Variants in STXBP6 observed in about 807,000 individuals in gnomAD.
The protein encoded by STXBP6 is syntaxin-binding protein 6.
In STXBP6, 21 loss-of-function variants were observed where a neutral mutation model predicts 26.9. The ratio of observed to expected loss-of-function variants is 0.78; its 90% CI spans 0.55 to 1.12. The LOEUF is 1.12. Among genes scored for constraint, STXBP6 ranks in the 50% most tolerant of loss-of-function variants. STXBP6 has a pLI of 0.00. For synonymous variants in STXBP6, 97 were observed against 92.6 expected, an observed-to-expected ratio of 1.05 and a Z score of -0.27; for missense variants, 232 against 257.9, an observed-to-expected ratio of 0.90 and a Z score of 0.69.
At position 24,855,744 on chromosome 14, in the gene STXBP6, G is replaced by A. The variant is rs898706237; in HGVS notation, c.451+192C>T. ...AAAAAAGACCAGCTTTTGGACAAGA[G>A]TGAAAACATACCTTTGTGTCTAAAT... On this transcript the variant is annotated intron_variant, in intron 4 of 5. Coordinates refer to ENST00000323944, the MANE Select transcript of STXBP6 (RefSeq NM_001394410.1). 5.9e-5 allele frequency among the ~76,000 whole-genome samples: 9 copies of A among 152,208 alleles called. 2 individuals are homozygous for A. The highest frequency in any genetic ancestry group is 3.9e-4 in the Admixed American group (6 of 15,270).
intron 2 of STXBP6, among the ~76,000 whole-genome samples, chr14:24,928,026 A>G (rs1304081944): frequency 6.6e-6 from 1 of 152,146 alleles, no homozygotes; most frequent in African/African-American, 2.4e-5. Context: ...GAGAAAATAG[A>G]AAGCTGAAAC....
chr14:24,982,651 TGTTCACAG>T (rs2074228215), intron 1 of STXBP6, among the ~76,000 whole-genome samples: 1 of 152,250 alleles, frequency 6.6e-6, no homozygotes, highest in Non-Finnish European at 1.5e-5. Context: ...AAAGACATTA[TGTTCACAG>T]GATTCTCTGA....
At chr14:24,989,313 GAT>G (rs2140276879) in intron 1 of STXBP6, among the ~76,000 whole-genome samples, 1 of 152,018 alleles carries the variant, frequency 6.6e-6, no homozygotes, top group South Asian at 2.1e-4. Context: ...TAATTAGCAT[GAT>G]TGGGAAAGTT....
At chr14:24,869,086 T>A (rs1366679745) in intron 2 of STXBP6, among the ~76,000 whole-genome samples, 1 of 152,254 alleles carries the variant, frequency 6.6e-6, no homozygotes, top group African/African-American at 2.4e-5. Context: ...GGTGCCCTAC[T>A]GAGAGTTTTA....
At chr14:24,881,578 G>GC (rs1394181789) in intron 2 of STXBP6, among the ~76,000 whole-genome samples, 2 of 152,172 alleles carry the variant, frequency 1.3e-5, no homozygotes, top group African/African-American at 4.8e-5. Context: ...TCCATTTATA[G>GC]CCAGTCATGA....
intron 2 of STXBP6, among the ~76,000 whole-genome samples, chr14:24,947,730 T>C (rs945346382): frequency 6.6e-6 from 1 of 152,098 alleles, no homozygotes; most frequent in Non-Finnish European, 1.5e-5. Context: ...ATAGCTAAAG[T>C]TTAATGACAA....
intron 4 of STXBP6, among the ~76,000 whole-genome samples, chr14:24,826,857 A>C (rs1010082154): frequency 6.6e-6 from 1 of 152,200 alleles, no homozygotes. Flanking sequence ...TAAGTTACTT[A>C]ATCTCTATGA....
At chr14:24,833,830 A>G (rs2068531499) in intron 4 of STXBP6, among the ~76,000 whole-genome samples, 1 of 152,252 alleles carries the variant, frequency 6.6e-6, no homozygotes, top group Non-Finnish European at 1.5e-5. Flanking sequence ...TATTTCCAAA[A>G]TTGTTATTAT....
At chr14:24,843,645 T>C (rs2068851292) in intron 4 of STXBP6, among the ~76,000 whole-genome samples, 1 of 152,178 alleles carries the variant, frequency 6.6e-6, no homozygotes, top group South Asian at 2.1e-4. Flanking sequence ...AAGTAATTCA[T>C]CCACAGACCA....
chr14:24,975,717 T>C (rs114874048), intron 1 of STXBP6, among the ~76,000 whole-genome samples: 1 of 152,134 alleles, frequency 6.6e-6, no homozygotes, highest in African/African-American at 2.4e-5. Flanking sequence ...ATAGCCCCCA[T>C]GTTATATTTA....
Position 24,957,250 on chromosome 14 carries a change from C to T in STXBP6, c.154+17415G>A, listed in dbSNP as rs1251827648. Among the ~76,000 whole-genome samples the T allele has an allele frequency of 3.3e-5, 5 of 152,306 alleles. No individual in the cohort carries two copies. The East Asian group carries it at 9.6e-4, about 29-fold the overall frequency. ...CCCTAGTCATGCTCTTACACCACTC[C>T]AAAACCTGGCATATTGAAGGACACT... On this transcript the variant is annotated intron_variant, in intron 2 of 5. Transcript: ENST00000323944.
At chr14:24,969,929 CTG>C (rs1172136434) in intron 2 of STXBP6, among the ~76,000 whole-genome samples, 1 of 152,148 alleles carries the variant, frequency 6.6e-6, no homozygotes, top group Non-Finnish European at 1.5e-5. Context: ...ACTAGCGACT[CTG>C]TAAAAGTGTT....
intron 2 of STXBP6, among the ~76,000 whole-genome samples, chr14:24,875,949 T>C (rs892743025): frequency 6.6e-6 from 1 of 152,042 alleles, no homozygotes; most frequent in South Asian, 2.1e-4. Flanking sequence ...TGGCAGGATA[T>C]GATAAATACG....
Position 25,049,950 on chromosome 14 carries a change from G to T in STXBP6, c.-105C>A. ...CCCAGAGCACGAGGCTCCTCCCCGGGGGGCTGCCCCGCGCGGGGCTCCGGG... is the reference window on the plus strand; with the variant it reads ...CCCAGAGCACGAGGCTCCTCCCCGGTGGGCTGCCCCGCGCGGGGCTCCGGG... On this transcript the variant is annotated 5_prime_UTR_variant, in exon 1 of 6. Transcript: ENST00000323944. This position sits in a 1 kb window ranked among gnomAD's most constrained non-coding sequence, Gnocchi z 5.6. 4 of 907,802 alleles carry T rather than the reference G, an allele frequency of 4.4e-6. No individual in the cohort carries two copies. Among genetic ancestry groups the T allele is most frequent in the Non-Finnish European group, 5.3e-6 (4 of 760,164 alleles). The allele number at this position is 907,802 out of a possible 1,614,324, so 56.2% of individuals were successfully genotyped here.
chr14:24,856,769 C>T (rs915579354), intron 3 of STXBP6, among the ~76,000 whole-genome samples: 2 of 151,544 alleles, frequency 1.3e-5, no homozygotes, highest in Admixed American at 6.6e-5. Flanking sequence ...CTCTGAACTT[C>T]GTACTTTGCT....
chr14:24,963,347 T>C (rs2073615290), intron 2 of STXBP6, among the ~76,000 whole-genome samples: 1 of 152,196 alleles, frequency 6.6e-6, no homozygotes, highest in Admixed American at 6.5e-5. Flanking sequence ...GAAGGCCAGG[T>C]ATATTCTTGC....
intron 2 of STXBP6, among the ~76,000 whole-genome samples, chr14:24,918,892 C>G (rs1326612712): frequency 1.3e-5 from 2 of 152,066 alleles, no homozygotes; most frequent in African/African-American, 4.8e-5. Context: ...TCCCTACTTA[C>G]TGTACTGTGA....
chr14:24,983,690 A>C (rs1274485934), intron 1 of STXBP6, among the ~76,000 whole-genome samples: 2 of 152,202 alleles, frequency 1.3e-5, no homozygotes, highest in Non-Finnish European at 2.9e-5. Flanking sequence ...CAGAAACATA[A>C]ACTCTCCAGC....
At position 24,819,357 on chromosome 14, in the gene STXBP6, G is replaced by C. The variant is rs756685077; in HGVS notation, c.452-163C>G. 14 of 787,066 alleles carry C rather than the reference G, an allele frequency of 1.8e-5. No individual in the cohort carries two copies. The African/African-American group carries it at 2.4e-4, about 13-fold the overall frequency. 48.8% of individuals were successfully genotyped at this position (787,066 alleles called of 1,614,324 possible). A position where few individuals can be genotyped will look rare whatever the true frequency, so the allele number is the denominator to read the frequency against. On this transcript the variant is annotated intron_variant, in intron 4 of 5. Transcript: ENST00000323944. ...GCCGACATTTCTTTTGATTGGGTTT[G>C]ACTGACGCACTTGCAGCAAGAACAC...
Sources: gnomAD v4.1 joint callset for allele counts (sites outside exome capture counted in the v4.1 genomes callset) on GRCh38, gnomAD v4.1.1 for gene constraint, Gnocchi (gnomAD v3.1) non-coding constraint, MANE v1.5 for transcripts, NCBI Gene and HGNC (gene_info 2026-07-23, HGNC 2026-07-21) for gene names.